MAP2: variants seen among roughly 807,000 people sequenced by gnomAD.
The protein encoded by MAP2 is microtubule associated protein 2, also known as microtubule-associated protein 2.
Under a neutral mutation model 137.6 loss-of-function variants are expected in MAP2, and 14 were observed. The observed-to-expected ratio is 0.10, with a 90% confidence interval of 0.07 to 0.16. The LOEUF is 0.16. Among genes scored for constraint, MAP2 ranks in the 10% least tolerant of loss-of-function variants. The probability of loss-of-function intolerance (pLI) is 1.00; values close to 1 mark genes in which losing one functional copy is unlikely to be tolerated. For synonymous variants in MAP2, 786 were observed against 782.3 expected, an observed-to-expected ratio of 1.00 and a Z score of -0.08; for missense variants, 2,088 against 2,191.5, an observed-to-expected ratio of 0.95 and a Z score of 0.94.
At chr2:209,729,097 G>A (rs1181053869) in intron 14 of MAP2, among the ~76,000 whole-genome samples, 2 of 152,114 alleles carry the variant, frequency 1.3e-5, no homozygotes, top group Non-Finnish European at 2.9e-5. Flanking sequence ...AGACTACACT[G>A]AAGAGTGCAG....
At chr2:209,511,881 T>A (rs2061771175) in intron 2 of MAP2, among the ~76,000 whole-genome samples, 1 of 152,106 alleles carries the variant, frequency 6.6e-6, no homozygotes, top group African/African-American at 2.4e-5. Flanking sequence ...CAATTACCTA[T>A]GACTGAATCA....
chr2:209,565,825 C>T (rs555037688), intron 2 of MAP2, among the ~76,000 whole-genome samples: 102 of 152,278 alleles, frequency 6.7e-4, no homozygotes, highest in African/African-American at 2.4e-3. Context: ...ACAAAGGTCA[C>T]AATGTAGGAT....
rs572557216 is a variant in MAP2 at position 209,524,392 on chromosome 2, A to G, written c.-172+16751A>G. On this transcript the variant is annotated intron_variant, in intron 2 of 15. Coordinates refer to ENST00000682079, the MANE Select transcript of MAP2 (RefSeq NM_001375505.1). ...GGAGAGTTTTCAACAATTAAGCAAT[A>G]TAATTCACTGGATAGAGATATACAT... is the stretch of plus-strand genomic sequence containing the variant. 3.9e-5 allele frequency among the ~76,000 whole-genome samples: 6 copies of G among 152,178 alleles called. No homozygotes were observed. The South Asian group carries it at 1.0e-3, about 26-fold the overall frequency.
intron 11 of MAP2, 58 bp downstream of exon 11, chr2:209,700,396 AAC>A: frequency 7.7e-7 from 1 of 1,300,990 alleles, no homozygotes; most frequent in Non-Finnish European, 1.1e-6. Flanking sequence ...TATTAGCTGT[AAC>A]ATCAGAATAA....
At chr2:209,673,912 C>T (rs1357417378) in intron 5 of MAP2, among the ~76,000 whole-genome samples, 4 of 151,698 alleles carry the variant, frequency 2.6e-5, no homozygotes, top group African/African-American at 9.7e-5. Flanking sequence ...TTTCATGTCA[C>T]CAATTGTCTT....
At chr2:209,462,093 T>TA (rs1380901398) in intron 1 of MAP2, among the ~76,000 whole-genome samples, 3 of 152,168 alleles carry the variant, frequency 2.0e-5, no homozygotes, top group Non-Finnish European at 4.4e-5. Flanking sequence ...AGCTGCTTTA[T>TA]AAAAAATCCT....
At chr2:209,636,445 T>C (rs1346162358) in intron 4 of MAP2, among the ~76,000 whole-genome samples, 1 of 152,074 alleles carries the variant, frequency 6.6e-6, no homozygotes, top group East Asian at 1.9e-4. Context: ...CTTTTTGGCA[T>C]GTGTTTACAA....
chr2:209,687,550 T>A (rs2057415620), intron 7 of MAP2, among the ~76,000 whole-genome samples: 2 of 152,126 alleles, frequency 1.3e-5, no homozygotes, highest in Admixed American at 1.3e-4. Context: ...CATGAAACAT[T>A]CACTGTCTCC....
chr2:209,596,241 T>C (rs2081272390), intron 3 of MAP2, among the ~76,000 whole-genome samples: 1 of 152,154 alleles, frequency 6.6e-6, no homozygotes, highest in Admixed American at 6.5e-5. Flanking sequence ...TGGAAACCAT[T>C]TGCGGATATG....
intron 12 of MAP2, among the ~76,000 whole-genome samples, chr2:209,709,135 T>C (rs2064509808): frequency 6.6e-6 from 1 of 152,132 alleles, no homozygotes; most frequent in Non-Finnish European, 1.5e-5. Context: ...AGATCCTGTA[T>C]AATTAATGTG....
chr2:209,648,466 T>G (rs1339589441), intron 4 of MAP2, among the ~76,000 whole-genome samples: 2 of 151,960 alleles, frequency 1.3e-5, no homozygotes, highest in East Asian at 1.9e-4. Flanking sequence ...TGACGTGTGT[T>G]TTGTCCTAAA....
intron 2 of MAP2, among the ~76,000 whole-genome samples, chr2:209,522,480 G>A (rs1405496835): frequency 6.6e-6 from 1 of 152,112 alleles, no homozygotes; most frequent in East Asian, 1.9e-4. Flanking sequence ...CTTCTTATAT[G>A]ATGTTTCAAG....
At chr2:209,499,437 GTCT>G (rs1297992620) in intron 1 of MAP2, among the ~76,000 whole-genome samples, 2 of 152,112 alleles carry the variant, frequency 1.3e-5, no homozygotes, top group African/African-American at 2.4e-5. Context: ...TCATCTTTCT[GTCT>G]TCTTCTGAGC....
rs1186032597 is a variant in MAP2 at position 209,621,257 on chromosome 2, A to ATTTTTTTTTTTT, written c.-106-3788_-106-3777dup. Among the ~76,000 whole-genome samples, 313 of 125,088 alleles carry ATTTTTTTTTTTT rather than the reference A, an allele frequency of 2.5e-3. 10 individuals are homozygous for ATTTTTTTTTTTT. Among genetic ancestry groups the ATTTTTTTTTTTT allele is most frequent in the African/African-American group, 8.9e-3 (284 of 31,910 alleles). 82.1% of individuals were successfully genotyped at this position (125,088 alleles called of 152,430 possible). A position where few individuals can be genotyped will look rare whatever the true frequency, so the allele number is the denominator to read the frequency against. On this transcript the variant is annotated intron_variant, in intron 3 of 15. Transcript: ENST00000682079. ...GATTCCAGCAACTTCAGGCATCTTG[A>ATTTTTTTTTTTT]TTTTTTTTTTTTTTTTTTTGAGAGA... is the stretch of plus-strand genomic sequence containing the variant.
intron 2 of MAP2, among the ~76,000 whole-genome samples, chr2:209,540,563 G>T (rs569333855): frequency 1.5e-5 from 2 of 134,940 alleles, no homozygotes; most frequent in East Asian, 2.2e-4. Context: ...CCCAGGAGGC[G>T]GAGGTTGCAG....
chr2:209,674,626 G>A (rs1379563020), intron 5 of MAP2, among the ~76,000 whole-genome samples: 1 of 143,374 alleles, frequency 7.0e-6, no homozygotes, highest in Non-Finnish European at 1.5e-5. Flanking sequence ...TAGATAGATG[G>A]ATGGATGGAT....
At chr2:209,584,080 A>G (rs776746442) in intron 3 of MAP2, among the ~76,000 whole-genome samples, 3 of 152,088 alleles carry the variant, frequency 2.0e-5, no homozygotes, top group Non-Finnish European at 4.4e-5. Flanking sequence ...AGCTGTATCC[A>G]TGTTGCTGCA....
chr2:209,644,455 C>T (rs2094265681), intron 4 of MAP2, among the ~76,000 whole-genome samples: 1 of 152,018 alleles, frequency 6.6e-6, no homozygotes, highest in African/African-American at 2.4e-5. Flanking sequence ...AAATTAGATT[C>T]AAAACTATTC....
At chr2:209,427,952 A>C (rs957936543) in intron 1 of MAP2, among the ~76,000 whole-genome samples, 1 of 152,152 alleles carries the variant, frequency 6.6e-6, no homozygotes, top group Admixed American at 6.5e-5. Flanking sequence ...GTGAAGAAGG[A>C]ATAAATGTTT....
Sources: allele counts gnomAD v4.1 joint callset (sites outside exome capture counted in the v4.1 genomes callset), GRCh38; gene constraint gnomAD v4.1.1; transcripts MANE v1.5; gene names NCBI Gene and HGNC (gene_info 2026-07-23, HGNC 2026-07-21).